ACTR3B: variants seen among roughly 807,000 people sequenced by gnomAD.
ACTR3B encodes the protein actin-related protein 3B.
ACTR3B carries 8 observed loss-of-function variants against 59.0 expected under a neutral mutation model. The ratio of observed to expected loss-of-function variants is 0.14; its 90% CI spans 0.08 to 0.24. The LOEUF is 0.24. Ranked by LOEUF, ACTR3B falls within the 10% of genes least tolerant of loss-of-function variation. The pLI is 1.00. For missense variants in ACTR3B, 245 were observed against 552.3 expected (o/e 0.44, Z 5.58); for synonymous variants, 148 against 197.9 (o/e 0.75, Z 2.12).
At chr7:152,768,249 G>A (rs1292341184) in intron 1 of ACTR3B, among the ~76,000 whole-genome samples, 1 of 152,242 alleles carries the variant, frequency 6.6e-6, no homozygotes, top group East Asian at 1.9e-4. Flanking sequence ...ACCTGTTATT[G>A]GCAAAAGAGA....
At chr7:152,786,662 G>A (rs926806595) in intron 2 of ACTR3B, among the ~76,000 whole-genome samples, 1 of 151,544 alleles carries the variant, frequency 6.6e-6, no homozygotes, top group Non-Finnish European at 1.5e-5. Context: ...CTGTATCAGA[G>A]TAAATGAATA....
At chr7:152,768,831 T>C (rs1447232796) in intron 1 of ACTR3B, among the ~76,000 whole-genome samples, 1 of 151,828 alleles carries the variant, frequency 6.6e-6, no homozygotes, top group African/African-American at 2.4e-5. Context: ...AACTACCTTA[T>C]TAATTATGTT....
intron 1 of ACTR3B, among the ~76,000 whole-genome samples, chr7:152,780,131 T>A (rs1459048420): frequency 6.6e-6 from 1 of 152,110 alleles, no homozygotes; most frequent in African/African-American, 2.4e-5. Flanking sequence ...GGCAGGCAGA[T>A]CACAAGGTCA....
chr7:152,825,416 A>G (rs1467470249), intron 9 of ACTR3B, among the ~76,000 whole-genome samples: 1 of 151,986 alleles, frequency 6.6e-6, no homozygotes, highest in East Asian at 1.9e-4. Flanking sequence ...GGTTCAAGCA[A>G]TTCTCCTGCC....
intron 9 of ACTR3B, among the ~76,000 whole-genome samples, chr7:152,847,132 G>A (rs1798407968): frequency 1.4e-5 from 2 of 140,552 alleles, no homozygotes; most frequent in South Asian, 4.8e-4. Flanking sequence ...TCTGTAGTGA[G>A]CTCTAGTGCC....
At position 152,814,630 on chromosome 7, in the gene ACTR3B, C is replaced by T; in HGVS notation, c.417C>T (p.Leu139=). The change falls in exon 5 of 12, where the codon CTC becomes CTT. Residue 139 remains leucine, a synonymous_variant. Transcript: ENST00000256001. ...IMFESFNVPG[L]YIAVQAVLAL... ...TTGAATCATTTAACGTACCAGGACTCTACATTGCAGTTCAGGTAAAACCAG... is the reference window on the plus strand; with the variant it reads ...TTGAATCATTTAACGTACCAGGACTTTACATTGCAGTTCAGGTAAAACCAG... 6.2e-7 allele frequency: 1 copy of T among 1,613,508 alleles called. No homozygotes were observed. The highest frequency in any genetic ancestry group is 1.3e-5 in the African/African-American group (1 of 75,038).
chr7:152,765,916 GATT>G (rs1563069363), intron 1 of ACTR3B, among the ~76,000 whole-genome samples: 1 of 152,150 alleles, frequency 6.6e-6, no homozygotes, highest in Non-Finnish European at 1.5e-5. Flanking sequence ...GAGTGGGTGA[GATT>G]GTGAGCACGA....
At chr7:152,846,973 G>A (rs1229128272) in intron 9 of ACTR3B, among the ~76,000 whole-genome samples, 1 of 149,360 alleles carries the variant, frequency 6.7e-6, no homozygotes, top group African/African-American at 2.5e-5. Context: ...GTAGTCTGCA[G>A]TGAGCCCCAG....
chr7:152,783,965 CTGT>C (rs2098163287), intron 2 of ACTR3B, among the ~76,000 whole-genome samples: 1 of 152,044 alleles, frequency 6.6e-6, no homozygotes, highest in South Asian at 2.1e-4. Flanking sequence ...TCGCAAGTAC[CTGT>C]AATCCCAGCG....
intron 4 of ACTR3B, among the ~76,000 whole-genome samples, chr7:152,803,510 A>G (rs2098243296): frequency 6.6e-6 from 1 of 152,212 alleles, no homozygotes; most frequent in Non-Finnish European, 1.5e-5. Flanking sequence ...TTTTAGGAGC[A>G]GGCACCGAGC....
intron 4 of ACTR3B, among the ~76,000 whole-genome samples, chr7:152,808,121 C>T (rs2098258190): frequency 1.3e-5 from 2 of 152,106 alleles, no homozygotes; most frequent in African/African-American, 2.4e-5. Flanking sequence ...TAAATGGAAT[C>T]ATATAGTATT....
intron 1 of ACTR3B, among the ~76,000 whole-genome samples, chr7:152,776,511 T>TTG (rs2098136572): frequency 6.6e-6 from 1 of 151,160 alleles, no homozygotes; most frequent in Non-Finnish European, 1.5e-5. Context: ...TTCACACAAA[T>TTG]TGATAAGAAG....
Position 152,854,633 on chromosome 7 carries a change from G to C in ACTR3B, c.*80G>C. 6.9e-7 allele frequency: 1 copy of C among 1,451,758 alleles called. No homozygotes were observed. Among genetic ancestry groups the C allele is most frequent in the Non-Finnish European group, 9.6e-7 (1 of 1,039,110 alleles). The allele number at this position is 1,451,758 out of a possible 1,614,324, so 89.9% of individuals were successfully genotyped here. On this transcript the variant is annotated 3_prime_UTR_variant, in exon 12 of 12. Transcript: ENST00000256001. This position sits in a 1 kb window ranked among gnomAD's most constrained non-coding sequence, Gnocchi z 4.9. ...AGAACCCAGAGAAGGCCGCCGTTCT[G>C]TAAATAGCGACGTCGGTGTTGCTGC...
intron 4 of ACTR3B, among the ~76,000 whole-genome samples, chr7:152,808,412 C>T (rs2098259108): frequency 6.6e-6 from 1 of 150,890 alleles, no homozygotes; most frequent in Admixed American, 6.6e-5. Context: ...TGGTAAAACC[C>T]ATTTTCCTTT....
intron 5 of ACTR3B, among the ~76,000 whole-genome samples, chr7:152,815,979 C>A (rs536899359): frequency 6.6e-6 from 1 of 150,972 alleles, no homozygotes; most frequent in Non-Finnish European, 1.5e-5. Flanking sequence ...CAAGGTCTCA[C>A]TGTGTTGTCC....
At chr7:152,765,351 A>T (rs544617215) in intron 1 of ACTR3B, among the ~76,000 whole-genome samples, 1 of 151,258 alleles carries the variant, frequency 6.6e-6, no homozygotes, top group East Asian at 1.9e-4. Context: ...TCCTGACCTC[A>T]GGTGATCTGC....
At chr7:152,772,949 T>G (rs1256332614) in intron 1 of ACTR3B, among the ~76,000 whole-genome samples, 5 of 144,106 alleles carry the variant, frequency 3.5e-5, no homozygotes, top group Non-Finnish European at 6.3e-5. Flanking sequence ...GTGCTAATTG[T>G]CGTATCTTTC....
At chr7:152,796,275 T>C (rs1299526957) in intron 2 of ACTR3B, among the ~76,000 whole-genome samples, 2 of 152,314 alleles carry the variant, frequency 1.3e-5, no homozygotes, top group Middle Eastern at 3.4e-3. Flanking sequence ...GTATATACTT[T>C]TATTTACTCA....
chr7:152,822,815 C>T (rs1371007436), intron 7 of ACTR3B, among the ~76,000 whole-genome samples: 1 of 152,226 alleles, frequency 6.6e-6, no homozygotes, highest in African/African-American at 2.4e-5. Flanking sequence ...GTGGCCAGCT[C>T]CACACCAGAT....
Sources: allele counts gnomAD v4.1 joint callset (sites outside exome capture counted in the v4.1 genomes callset), GRCh38; gene constraint gnomAD v4.1.1; non-coding constraint Gnocchi (gnomAD v3.1); transcripts MANE v1.5; gene names NCBI Gene and HGNC (gene_info 2026-07-23, HGNC 2026-07-21).